The following OSBPL10 variants were observed in gnomAD, a reference collection of about 807,000 sequenced individuals.
The protein encoded by OSBPL10 is oxysterol-binding protein-related protein 10.
Under a neutral mutation model 81.7 loss-of-function variants are expected in OSBPL10, and 49 were observed. That is an observed-to-expected ratio of 0.60 (90% CI 0.48 to 0.76). OSBPL10 has a LOEUF of 0.76. Ranked by LOEUF, OSBPL10 falls within the 30% of genes least tolerant of loss-of-function variation. The pLI, the probability that OSBPL10 is intolerant of heterozygous loss-of-function variation, is 0.00. For missense variants in OSBPL10, 923 were observed against 987.8 expected, an observed-to-expected ratio of 0.93 and a Z score of 0.88; for synonymous variants, 419 against 383.6, an observed-to-expected ratio of 1.09 and a Z score of -1.08.
chr3:31,838,895 T>C (rs1700428689), intron 3 of OSBPL10, among the ~76,000 whole-genome samples: 2 of 152,192 alleles, frequency 1.3e-5, no homozygotes, highest in African/African-American at 4.8e-5. Context: ...GCAGTATGTA[T>C]ACAGATGTCA....
intron 4 of OSBPL10, among the ~76,000 whole-genome samples, chr3:31,774,770 C>T (rs1283645016): frequency 6.6e-6 from 1 of 151,598 alleles, no homozygotes; most frequent in African/African-American, 2.4e-5. Context: ...CTCAGCCTCC[C>T]AAAGTGCTGG....
Position 31,905,570 on chromosome 3 carries a change from G to A in OSBPL10, c.282-25740C>T, listed in dbSNP as rs143890047. 4.3e-4 allele frequency among the ~76,000 whole-genome samples: 65 copies of A among 151,774 alleles called. No homozygotes were observed. The East Asian group carries it at 0.012, about 28-fold the overall frequency. ...TCGCCATGTTGGCCAGGCTGCTCTCGAACTCCTGACCTCAAGTGATCCACC... is the reference window on the plus strand; with the variant it reads ...TCGCCATGTTGGCCAGGCTGCTCTCAAACTCCTGACCTCAAGTGATCCACC... On this transcript the variant is annotated intron_variant, in intron 1 of 11. Transcript: ENST00000396556.
At chr3:31,747,406 CT>C (rs1697558061) in intron 5 of OSBPL10, among the ~76,000 whole-genome samples, 1 of 140,700 alleles carries the variant, frequency 7.1e-6, no homozygotes, top group African/African-American at 2.6e-5. Context: ...ATGTTCTCTG[CT>C]TTTATTTACA....
At chr3:31,927,627 T>TTTA (rs1697113609) in intron 1 of OSBPL10, among the ~76,000 whole-genome samples, 1 of 152,258 alleles carries the variant, frequency 6.6e-6, no homozygotes, top group Non-Finnish European at 1.5e-5. Context: ...TGGCCCTAAG[T>TTTA]GGCCTTGGTT....
intron 8 of OSBPL10, among the ~76,000 whole-genome samples, chr3:31,680,205 T>C (rs569070035): frequency 1.5e-4 from 23 of 152,252 alleles, no homozygotes; most frequent in African/African-American, 5.5e-4. Context: ...TTGAATCAAG[T>C]TTGTTTTCTC....
At chr3:31,802,177 G>A (rs1003866681) in intron 4 of OSBPL10, among the ~76,000 whole-genome samples, 3 of 150,498 alleles carry the variant, frequency 2.0e-5, no homozygotes, top group Admixed American at 6.7e-5. Context: ...CACTGCACCC[G>A]GCCGTAAGAA....
intron 4 of OSBPL10, among the ~76,000 whole-genome samples, chr3:31,793,184 C>A (rs1250381848): frequency 6.6e-6 from 1 of 152,132 alleles, no homozygotes; most frequent in East Asian, 1.9e-4. Context: ...TCATATCCTG[C>A]CTCCTTCTCC....
intron 6 of OSBPL10, among the ~76,000 whole-genome samples, chr3:31,726,454 T>C (rs913684359): frequency 1.3e-5 from 2 of 150,690 alleles, no homozygotes; most frequent in Non-Finnish European, 3.0e-5. Flanking sequence ...GTAGCTGGGA[T>C]TGTAGGCACC....
chr3:31,761,830 A>AAAAAAAAAACAAAAAAAAAAAC (rs1698055890), intron 4 of OSBPL10, among the ~76,000 whole-genome samples: 1 of 150,840 alleles, frequency 6.6e-6, no homozygotes, highest in African/African-American at 2.5e-5. Flanking sequence ...AAAAAAAAAA[A>AAAAAAAAAACAAAAAAAAAAAC]ACCCTAAAGG....
chr3:31,868,776 A>G (rs567332865), intron 3 of OSBPL10, among the ~76,000 whole-genome samples: 16 of 152,274 alleles, frequency 1.1e-4, no homozygotes, highest in Non-Finnish European at 1.6e-4. Context: ...TTCCCTAATC[A>G]CTTGACTTTT....
chr3:31,788,051 G>A (rs569963962), intron 4 of OSBPL10, among the ~76,000 whole-genome samples: 1 of 152,240 alleles, frequency 6.6e-6, no homozygotes, highest in African/African-American at 2.4e-5. Flanking sequence ...ATGAGAAAAT[G>A]TTGCTAATAC....
chr3:32,049,742 T>G (rs1021337203), intron 1 of OSBPL10, among the ~76,000 whole-genome samples: 1 of 152,196 alleles, frequency 6.6e-6, no homozygotes, highest in African/African-American at 2.4e-5. Flanking sequence ...TTATGGGACA[T>G]GGAGAACTTT....
intron 4 of OSBPL10, among the ~76,000 whole-genome samples, chr3:31,771,233 T>C (rs900940659): frequency 6.6e-5 from 10 of 152,012 alleles, no homozygotes; most frequent in African/African-American, 2.2e-4. Flanking sequence ...GTGACAGGCA[T>C]GTAGGAAACA....
intron 9 of OSBPL10, among the ~76,000 whole-genome samples, chr3:31,669,901 A>C (rs188462889): frequency 5.3e-5 from 8 of 152,364 alleles, no homozygotes; most frequent in Admixed American, 5.2e-4. Flanking sequence ...AGAGGCTCAC[A>C]GGCAGGTATG....
intron 4 of OSBPL10, among the ~76,000 whole-genome samples, chr3:31,799,372 A>G (rs566071269): frequency 8.4e-4 from 85 of 101,698 alleles, no homozygotes; most frequent in African/African-American, 3.0e-3. Context: ...CAAGACCCCT[A>G]TCTCTTTAAA....
intron 2 of OSBPL10, among the ~76,000 whole-genome samples, chr3:32,004,391 T>C (rs756568865): frequency 1.3e-5 from 2 of 152,172 alleles, no homozygotes; most frequent in African/African-American, 4.8e-5. Flanking sequence ...CCAGGAAGGA[T>C]TGCATATTAA....
At chr3:32,055,731 T>C (rs1699705558) in intron 1 of OSBPL10, among the ~76,000 whole-genome samples, 1 of 152,168 alleles carries the variant, frequency 6.6e-6, no homozygotes, top group Non-Finnish European at 1.5e-5. Flanking sequence ...ACCTGACTTA[T>C]AGAACCAATA....
chr3:31,691,313 C>T (rs1179388110), intron 7 of OSBPL10, among the ~76,000 whole-genome samples: 1 of 152,066 alleles, frequency 6.6e-6, no homozygotes, highest in Non-Finnish European at 1.5e-5. Flanking sequence ...AAACAATCAC[C>T]CATAGGGGAA....
intron 4 of OSBPL10, among the ~76,000 whole-genome samples, chr3:31,828,145 T>C (rs1700144272): frequency 2.0e-5 from 3 of 152,230 alleles, no homozygotes. Context: ...AAATTACTTA[T>C]AAACTAATCT....
Sources: allele counts gnomAD v4.1 joint callset (sites outside exome capture counted in the v4.1 genomes callset), GRCh38; gene constraint gnomAD v4.1.1; transcripts MANE v1.5; gene names NCBI Gene and HGNC (gene_info 2026-07-23, HGNC 2026-07-21).